Variants in BHLHE40 observed in about 807,000 individuals in gnomAD.
The protein encoded by BHLHE40 is class E basic helix-loop-helix protein 40.
Under a neutral mutation model 35.7 loss-of-function variants are expected in BHLHE40, and 3 were observed. The observed-to-expected ratio is 0.08, with a 90% confidence interval of 0.04 to 0.22. BHLHE40 has a LOEUF of 0.22. BHLHE40 is among the 10% of genes least tolerant of loss of function. The pLI, the probability that BHLHE40 is intolerant of heterozygous loss-of-function variation, is 1.00. For missense variants in BHLHE40, 486 were observed against 524.0 expected (o/e 0.93, Z 0.71); for synonymous variants, 236 against 213.0 (o/e 1.11, Z -0.94).
In BHLHE40 at chr3:4,983,995, C is replaced by T. The variant is rs929058563; in HGVS notation, c.*303C>T. On this transcript the variant is annotated 3_prime_UTR_variant, in exon 5 of 5. Transcript: ENST00000256495. The surrounding 1 kb of genome is among the most constrained non-coding windows in gnomAD (Gnocchi z 5.0). ...TAGCAGACGTCTGGGCTTTTCCCCA[C>T]CCAGAGAATAGCCCCCTTCGATACA... 3 of 357,614 alleles carry T rather than the reference C, an allele frequency of 8.4e-6. No individual in the cohort carries two copies. The highest frequency in any genetic ancestry group is 1.5e-5 in the Non-Finnish European group (3 of 196,426). 22.2% of individuals were successfully genotyped at this position (357,614 alleles called of 1,614,324 possible).
Position 4,983,734 on chromosome 3 carries a change from A to G in BHLHE40, c.*42A>G, listed in dbSNP as rs781352483. 18 of 1,536,470 alleles carry G rather than the reference A, an allele frequency of 1.2e-5. No individual in the cohort carries two copies. Among genetic ancestry groups the G allele is most frequent in the Non-Finnish European group, 1.6e-5 (18 of 1,147,716 alleles). ...TGCTGCTTTGCTTTCCTTCCTCGCTACTTCCTAAAAAGCAACAAAAAAGTT... is the reference window on the plus strand; with the variant it reads ...TGCTGCTTTGCTTTCCTTCCTCGCTGCTTCCTAAAAAGCAACAAAAAAGTT... On this transcript the variant is annotated 3_prime_UTR_variant, in exon 5 of 5. Coordinates refer to ENST00000256495, the MANE Select transcript of BHLHE40 (RefSeq NM_003670.3). The surrounding 1 kb of genome is among the most constrained non-coding windows in gnomAD (Gnocchi z 5.0).
chr3:4,979,866 G>GT, intron 1 of BHLHE40, 68 bp downstream of exon 1: 1 of 1,604,862 alleles, frequency 6.2e-7, no homozygotes, highest in Non-Finnish European at 8.5e-7. Flanking sequence ...CTCTCAACTT[G>GT]GAGCAGCTCC....
intron 2 of BHLHE40, 92 bp from the exon 3 acceptor site, chr3:4,980,209 T>C: frequency 1.6e-6 from 2 of 1,249,334 alleles, no homozygotes; most frequent in Non-Finnish European, 2.3e-6. Flanking sequence ...TCTGCTACTC[T>C]GCTCCTCTGC....
rs762208101 is a variant in BHLHE40, at chr3:4,981,559, C to CA, written c.382+47dup. 22 of 1,599,402 alleles carry CA rather than the reference C, an allele frequency of 1.4e-5. No homozygotes were observed. In the East Asian group the frequency reaches 4.7e-4, roughly 34 times the overall value. On this transcript the variant is annotated intron_variant, in intron 4 of 4. Transcript: ENST00000256495. ...TATGCTCTCTTTAAGAGTTTGAGTG[C>CA]AAATAGAGAGCCCGTGGGCTCAACA...
rs1252687935 is a variant in BHLHE40 at position 4,981,510 on chromosome 3, A to G, written c.377A>G (p.Gln126Arg). The change falls in exon 4 of 5, where the codon CAA (glutamine) becomes CGA (arginine). Residue 126 changes from glutamine (Q) to arginine (R), a missense_variant. Physicochemically the swap from Gln to Arg is conservative, Grantham distance 43. This residue lies in a region of BHLHE40 where 176 missense variants were observed against 180.5 expected (regional missense o/e 0.98). Coordinates refer to ENST00000256495, the MANE Select transcript of BHLHE40 (RefSeq NM_003670.3). The stretch of plus-strand genomic sequence containing the variant: ...ATCATTGCCCTGCAGAGTGGTTTAC[A>G]AGCTGGTGAGTGCTGATTCTGGCTA... Reference protein sequence around the residue: ...QKIIALQSGLQAGELSGRNVE... With the variant: ...QKIIALQSGLRAGELSGRNVE... 4.3e-6 allele frequency: 7 copies of G among 1,613,926 alleles called. No homozygotes were observed. The highest frequency in any genetic ancestry group is 5.9e-6 in the Non-Finnish European group (7 of 1,179,862).
At chr3:4,980,164 G>A in intron 2 of BHLHE40, 133 bp downstream of exon 2, 1 of 1,137,334 alleles carries the variant, frequency 8.8e-7, no homozygotes, top group Non-Finnish European at 1.3e-6. Flanking sequence ...GAGTGACTTG[G>A]AAAAGAAAGG....
At chr3:4,981,185 T>TATAC (rs1277659200) in intron 3 of BHLHE40, among the ~76,000 whole-genome samples, 2 of 143,888 alleles carry the variant, frequency 1.4e-5, no homozygotes, top group Admixed American at 7.0e-5. Flanking sequence ...TATATATATA[T>TATAC]ACACACACAC....
Position 4,980,408 on chromosome 3 carries a change from A to G in BHLHE40, c.258A>G (p.Thr86=), listed in dbSNP as rs1456237939. The change falls in exon 3 of 5, where the codon ACA becomes ACG. Residue 86 remains threonine (T), a splice_region_variant and synonymous_variant. Coordinates refer to ENST00000256495, the MANE Select transcript of BHLHE40 (RefSeq NM_003670.3). ...KDLLPEHLKL[T]TLGHLEKAVV... The stretch of plus-strand genomic sequence containing the variant: ...TCCTACCCGAACATCTCAAACTTAC[A>G]GTAAGTGAGAAGCTGGCCCCTTTCC... The G allele has an allele frequency of 6.2e-7, 1 of 1,612,666 alleles. No homozygotes were observed. The highest frequency in any genetic ancestry group is 2.2e-5 in the East Asian group (1 of 44,842).
In BHLHE40 at chr3:4,983,645, C is replaced by G; in HGVS notation, c.1192C>G (p.Gln398Glu). 1 of 1,613,980 alleles carries G rather than the reference C, an allele frequency of 6.2e-7. No homozygotes were observed. The highest frequency in any genetic ancestry group is 2.2e-5 in the East Asian group (1 of 44,884). ...GTCCGTCGACTCTTCTGTCTTGCTC[C>G]AAGCTCTGAAGCCAATCCCCCCTTT... ...HPSVDSSVLL[Q>E]ALKPIPPLNL... The change falls in exon 5 of 5, where the codon CAA (glutamine) becomes GAA (glutamate). Residue 398 changes from glutamine (Q) to glutamate (E), a missense_variant. Physicochemically the swap from Gln to Glu is conservative, Grantham distance 29. Coordinates refer to ENST00000256495, the MANE Select transcript of BHLHE40 (RefSeq NM_003670.3). The surrounding 1 kb of genome is among the most constrained non-coding windows in gnomAD (Gnocchi z 5.0).
chr3:4,981,363 A>AC, intron 3 of BHLHE40, 29 bp from the exon 4 acceptor site: 1 of 1,611,578 alleles, frequency 6.2e-7, no homozygotes, highest in Non-Finnish European at 8.5e-7. Context: ...CTCTGACCTC[A>AC]CCGCTGACTA....
Position 4,979,523 on chromosome 3 carries a change from G to A in BHLHE40, c.-196G>A. ...GCTGAGTCGGAGCCAGAGGCCGCGG[G>A]GACACCGGGCCATGCACGCCCCCAA... On this transcript the variant is annotated 5_prime_UTR_variant, in exon 1 of 5. Transcript: ENST00000256495. 1.6e-6 allele frequency: 1 copy of A among 622,644 alleles called. No individual in the cohort carries two copies. The highest frequency in any genetic ancestry group is 2.8e-6 in the Non-Finnish European group (1 of 357,310). 38.6% of individuals were successfully genotyped at this position (622,644 alleles called of 1,614,324 possible).
chr3:4,981,557 T>C, intron 4 of BHLHE40, 42 bp downstream of exon 4: 1 of 1,604,688 alleles, frequency 6.2e-7, no homozygotes, highest in South Asian at 1.1e-5. Flanking sequence ...AGAGTTTGAG[T>C]GCAAATAGAG....
At position 4,984,747 on chromosome 3, in the gene BHLHE40, A is replaced by G. The variant is rs1284340884; in HGVS notation, c.*1055A>G. The G allele has an allele frequency of 1.3e-5, 2 of 152,632 alleles. No individual in the cohort carries two copies. Among genetic ancestry groups the G allele is most frequent in the African/African-American group, 4.8e-5 (2 of 41,450 alleles). 9.5% of individuals were successfully genotyped at this position (152,632 alleles called of 1,614,324 possible). A position where few individuals can be genotyped will look rare whatever the true frequency, so the allele number is the denominator to read the frequency against. On this transcript the variant is annotated 3_prime_UTR_variant, in exon 5 of 5. Coordinates refer to ENST00000256495, the MANE Select transcript of BHLHE40 (RefSeq NM_003670.3). ...GCTAAAAAGGATTCCGTCTCCTTCAAAGAAGTTTTATTTTTGGTCCAGAGT... is the reference window on the plus strand; with the variant it reads ...GCTAAAAAGGATTCCGTCTCCTTCAGAGAAGTTTTATTTTTGGTCCAGAGT...
chr3:4,980,469 T>G (rs2053182613), intron 3 of BHLHE40, 61 bp downstream of exon 3: 1 of 1,421,430 alleles, frequency 7.0e-7, no homozygotes, highest in Non-Finnish European at 9.9e-7. Flanking sequence ...GGCGGGTCAC[T>G]CGCCGCCTGC....
In BHLHE40 at chr3:4,982,821, T is replaced by C. The variant is rs1007462656; in HGVS notation, c.383-15T>C. ...GCCTTCTGAAACGTTTTCCTTCGGA[T>C]TTTTCTTTCCCCAGGTGAGCTGTCA... On this transcript the variant is annotated splice_polypyrimidine_tract_variant and intron_variant, in intron 4 of 4. Coordinates refer to ENST00000256495, the MANE Select transcript of BHLHE40 (RefSeq NM_003670.3). 1.9e-6 allele frequency: 3 copies of C among 1,613,710 alleles called. No homozygotes were observed. Among genetic ancestry groups the C allele is most frequent in the Non-Finnish European group, 1.7e-6 (2 of 1,179,882 alleles).
intron 3 of BHLHE40, among the ~76,000 whole-genome samples, chr3:4,981,146 T>C (rs2053190852): frequency 6.8e-6 from 1 of 147,294 alleles, no homozygotes; most frequent in African/African-American, 2.5e-5. Flanking sequence ...GCACCCGTTT[T>C]TTTAAATTAT....
chr3:4,981,591 G>C, intron 4 of BHLHE40, 76 bp downstream of exon 4: 1 of 1,532,530 alleles, frequency 6.5e-7, no homozygotes, highest in Admixed American at 2.1e-5. Flanking sequence ...AACATCTGAT[G>C]TAATAAACAT....
chr3:4,983,843 T>TGC lies in BHLHE40; in HGVS notation c.*152_*153insCG, dbSNP rs2053223570. 9.8e-7 allele frequency: 1 copy of TGC among 1,021,280 alleles called. No homozygotes were observed. Among genetic ancestry groups the TGC allele is most frequent in the Non-Finnish European group, 1.4e-6 (1 of 711,006 alleles). 63.3% of individuals were successfully genotyped at this position (1,021,280 alleles called of 1,614,324 possible). A position where few individuals can be genotyped will look rare whatever the true frequency, so the allele number is the denominator to read the frequency against. On this transcript the variant is annotated 3_prime_UTR_variant, in exon 5 of 5. Coordinates refer to ENST00000256495, the MANE Select transcript of BHLHE40 (RefSeq NM_003670.3). The surrounding 1 kb of genome is among the most constrained non-coding windows in gnomAD (Gnocchi z 5.0). ...AGCAGATTCAGGGTGTGTGTGTGTG[T>TGC]GTGTGTGTGTGTATGTGCGTGTGCG...
rs939882791 is a variant in BHLHE40, at chr3:4,982,720, C to T, written c.383-116C>T. On this transcript the variant is annotated intron_variant, in intron 4 of 4. Transcript: ENST00000256495. ...TACTTTTGGAGTTAGGAACACAAAT[C>T]AGTAAATGCATTTTTTTTTTTAACA... 7.2e-6 allele frequency: 9 copies of T among 1,254,146 alleles called. No individual in the cohort carries two copies. The South Asian group carries it at 1.3e-4, about 18-fold the overall frequency. 77.7% of individuals were successfully genotyped at this position (1,254,146 alleles called of 1,614,324 possible).
Sources: allele counts gnomAD v4.1 joint callset (sites outside exome capture counted in the v4.1 genomes callset), GRCh38; gene constraint gnomAD v4.1.1; regional missense constraint gnomAD v4.1.1; non-coding constraint Gnocchi (gnomAD v3.1); transcripts MANE v1.5; gene names NCBI Gene and HGNC (gene_info 2026-07-23, HGNC 2026-07-21).